KCNH7: variants seen among roughly 807,000 people sequenced by gnomAD.
KCNH7 encodes the protein voltage-gated inwardly rectifying potassium channel KCNH7.
KCNH7 carries 49 observed loss-of-function variants against 120.8 expected under a neutral mutation model. That is an observed-to-expected ratio of 0.41 (90% CI 0.32 to 0.51). KCNH7 has a LOEUF of 0.51. Among genes scored for constraint, KCNH7 ranks in the 20% least tolerant of loss-of-function variants. The pLI, the probability that KCNH7 is intolerant of heterozygous loss-of-function variation, is 0.38. For missense variants in KCNH7, 1,097 were observed against 1,446.6 expected (o/e 0.76, Z 3.92); for synonymous variants, 547 against 516.1 (o/e 1.06, Z -0.81).
intron 9 of KCNH7, among the ~76,000 whole-genome samples, chr2:162,416,562 AGAGT>A (rs1453201802): frequency 1.3e-5 from 2 of 152,100 alleles, no homozygotes; most frequent in African/African-American, 4.8e-5. Flanking sequence ...GCCTTTGTGG[AGAGT>A]GAGTATTTGG....
chr2:162,711,984 C>G (rs533052716), intron 2 of KCNH7, among the ~76,000 whole-genome samples: 1 of 151,534 alleles, frequency 6.6e-6, no homozygotes, highest in South Asian at 2.1e-4. Context: ...CTGTCTTTTT[C>G]CCTTTTTCAT....
At chr2:162,669,428 C>A (rs1685258451) in intron 2 of KCNH7, among the ~76,000 whole-genome samples, 1 of 152,154 alleles carries the variant, frequency 6.6e-6, no homozygotes, top group Admixed American at 6.5e-5. Flanking sequence ...TGGAATGAAT[C>A]TTCAAATTGC....
rs528769962 is a variant in KCNH7 at position 162,589,722 on chromosome 2, A to C, written c.308-52642T>G. ...TCTGAGGAAGGAGTCTACTGGTAAA[A>C]TGAGTTTCAAAATAAAACCATGAAT... is the stretch of plus-strand genomic sequence containing the variant. On this transcript the variant is annotated intron_variant, in intron 2 of 15. Coordinates refer to ENST00000332142, the MANE Select transcript of KCNH7 (RefSeq NM_033272.4). Among the ~76,000 whole-genome samples, 8 of 152,230 alleles carry C rather than the reference A, an allele frequency of 5.3e-5. No individual in the cohort carries two copies. In the South Asian group the frequency reaches 1.7e-3, roughly 32 times the overall value.
At chr2:162,526,955 A>T (rs1190600869) in intron 3 of KCNH7, among the ~76,000 whole-genome samples, 2 of 152,038 alleles carry the variant, frequency 1.3e-5, no homozygotes, top group Non-Finnish European at 2.9e-5. Flanking sequence ...TTATAAAAGT[A>T]TTAATTTGAG....
intron 9 of KCNH7, among the ~76,000 whole-genome samples, chr2:162,408,060 G>A (rs796557907): frequency 7.2e-5 from 11 of 152,116 alleles, no homozygotes; most frequent in African/African-American, 2.4e-4. Context: ...AATGCATTAG[G>A]AATTTTATTT....
intron 2 of KCNH7, among the ~76,000 whole-genome samples, chr2:162,830,668 G>A (rs1377527599): frequency 2.6e-5 from 4 of 152,152 alleles, no homozygotes; most frequent in Non-Finnish European, 5.9e-5. Context: ...GTAGTAAGAA[G>A]TGTAGACTTT....
rs188665744 is a variant in KCNH7 at position 162,718,131 on chromosome 2, A to G, written c.307+118406T>C. Among the ~76,000 whole-genome samples, 11 of 151,792 alleles carry G rather than the reference A, an allele frequency of 7.2e-5. No homozygotes were observed. The East Asian group carries it at 2.1e-3, about 29-fold the overall frequency. On this transcript the variant is annotated intron_variant, in intron 2 of 15. Transcript: ENST00000332142. ...AAGGAAGGCTTATAAAGAATTTGTG[A>G]TTTTAGTTGATCTCTTAACACTTGA...
intron 2 of KCNH7, among the ~76,000 whole-genome samples, chr2:162,543,360 A>T (rs1420636717): frequency 6.6e-6 from 1 of 152,014 alleles, no homozygotes; most frequent in Non-Finnish European, 1.5e-5. Flanking sequence ...TTAGATTGTT[A>T]GGTGGTTGAT....
intron 9 of KCNH7, among the ~76,000 whole-genome samples, chr2:162,422,337 T>C (rs1441703150): frequency 6.6e-6 from 1 of 152,182 alleles, no homozygotes; most frequent in African/African-American, 2.4e-5. Flanking sequence ...AAGTACCAAT[T>C]TAAATTGTAC....
chr2:162,777,987 T>C (rs1559129216), intron 2 of KCNH7, among the ~76,000 whole-genome samples: 2 of 152,122 alleles, frequency 1.3e-5, no homozygotes. Context: ...ATGGTGACAC[T>C]TTTTGGCATG....
intron 2 of KCNH7, among the ~76,000 whole-genome samples, chr2:162,542,803 C>G (rs1692355557): frequency 1.3e-5 from 2 of 152,034 alleles, no homozygotes; most frequent in African/African-American, 4.8e-5. Flanking sequence ...ATTTCTAGTT[C>G]TAGATCCCAG....
At chr2:162,752,913 GAAAAGA>G (rs1688618592) in intron 2 of KCNH7, among the ~76,000 whole-genome samples, 4 of 42,454 alleles carry the variant, frequency 9.4e-5, no homozygotes, top group African/African-American at 2.5e-4. Context: ...AAAAAGAAAA[GAAAAGA>G]AAAGAAAAGA....
intron 2 of KCNH7, among the ~76,000 whole-genome samples, chr2:162,602,933 G>A (rs900657813): frequency 6.6e-6 from 1 of 151,004 alleles, no homozygotes; most frequent in Admixed American, 6.6e-5. Flanking sequence ...AGGAGGAGGA[G>A]GTTGAGCTGG....
At chr2:162,486,428 G>T (rs865945572) in intron 6 of KCNH7, among the ~76,000 whole-genome samples, 2 of 152,006 alleles carry the variant, frequency 1.3e-5, no homozygotes, top group African/African-American at 2.4e-5. Context: ...TAAAAGATAG[G>T]CTTCAAAACA....
intron 6 of KCNH7, among the ~76,000 whole-genome samples, chr2:162,503,652 T>TA (rs1254809561): frequency 6.6e-6 from 1 of 152,014 alleles, no homozygotes; most frequent in Non-Finnish European, 1.5e-5. Context: ...ATGCTTGGGA[T>TA]AAAGAATGGG....
At chr2:162,720,645 T>C (rs185335967) in intron 2 of KCNH7, among the ~76,000 whole-genome samples, 48 of 152,240 alleles carry the variant, frequency 3.2e-4, no homozygotes, top group African/African-American at 1.1e-3. Flanking sequence ...AATTCTTCAG[T>C]TGAATTTTGC....
In KCNH7 at chr2:162,513,426, TTTCC is replaced by T. The variant is rs573753682; in HGVS notation, c.893-756_893-753del. On this transcript the variant is annotated intron_variant, in intron 4 of 15. Coordinates refer to ENST00000332142, the MANE Select transcript of KCNH7 (RefSeq NM_033272.4). ...CCTTCTTTCCTTCCTTCCCTCCTTC[TTTCC>T]TTCCTTCCTTCCTTCCTTCCTTCTC... Among the ~76,000 whole-genome samples, 472 of 89,572 alleles carry T rather than the reference TTTCC, an allele frequency of 5.3e-3. 7 individuals carry two copies. Among genetic ancestry groups the T allele is most frequent in the African/African-American group, 0.014 (330 of 23,574 alleles). The allele number at this position is 89,572 out of a possible 152,430, so 58.8% of individuals were successfully genotyped here. A position where few individuals can be genotyped will look rare whatever the true frequency, so the allele number is the denominator to read the frequency against.
At chr2:162,744,461 T>C (rs1341998230) in intron 2 of KCNH7, among the ~76,000 whole-genome samples, 1 of 152,046 alleles carries the variant, frequency 6.6e-6, no homozygotes, top group Non-Finnish European at 1.5e-5. Flanking sequence ...CAAGCTTCCC[T>C]ACCAGGCAGG....
At chr2:162,468,499 A>G (rs984902502) in intron 6 of KCNH7, among the ~76,000 whole-genome samples, 1 of 90,484 alleles carries the variant, frequency 1.1e-5, no homozygotes, top group African/African-American at 4.4e-5. Context: ...TGGGCAAGGT[A>G]TTTATTCTTT....
Sources: gnomAD v4.1 joint callset for allele counts (sites outside exome capture counted in the v4.1 genomes callset) on GRCh38, gnomAD v4.1.1 for gene constraint, MANE v1.5 for transcripts, NCBI Gene and HGNC (gene_info 2026-07-23, HGNC 2026-07-21) for gene names.